ANKRD12: variants seen among roughly 807,000 people sequenced by gnomAD.
ANKRD12 encodes ankyrin repeat domain-containing protein 12.
ANKRD12 carries 85 observed loss-of-function variants against 183.4 expected under a neutral mutation model. The observed-to-expected ratio is 0.46, with a 90% CI of 0.39 to 0.56. The LOEUF (loss-of-function observed/expected upper bound fraction) is 0.56. Ranked by LOEUF, ANKRD12 falls within the 20% of genes least tolerant of loss-of-function variation. ANKRD12 has a pLI of 0.00. For missense variants in ANKRD12, 2,405 were observed against 2,357.1 expected (o/e 1.02, Z -0.42); for synonymous variants, 914 against 800.2 (o/e 1.14, Z -2.40).
At chr18:9,162,705 GCCAGCGT>G (rs2031588279) in intron 1 of ANKRD12, among the ~76,000 whole-genome samples, 1 of 152,006 alleles carries the variant, frequency 6.6e-6, no homozygotes, top group Admixed American at 6.6e-5. Flanking sequence ...CCACAACCTC[GCCAGCGT>G]CTGTTTCTGG....
intron 6 of ANKRD12, among the ~76,000 whole-genome samples, chr18:9,215,027 G>A (rs753967687): frequency 1.6e-4 from 24 of 152,006 alleles, no homozygotes; most frequent in Admixed American, 4.6e-4. Context: ...ACAAGGTTTC[G>A]TTTAAAAAAA....
intron 5 of ANKRD12, among the ~76,000 whole-genome samples, chr18:9,210,666 CAGTGAGCCTAGA>C (rs1328029445): frequency 2.2e-5 from 3 of 133,944 alleles, no homozygotes; most frequent in Middle Eastern, 5.8e-3. Flanking sequence ...GTAGAGGTTG[CAGTGAGCCTAGA>C]TCAAACTACC....
intron 9 of ANKRD12, chr18:9,260,041 T>C (rs2038876037): frequency 6.6e-6 from 1 of 152,234 alleles, no homozygotes; most frequent in Admixed American, 6.5e-5. Flanking sequence ...TGCTGTGTGT[T>C]TGAGTTTACT....
At chr18:9,268,742 G>A (rs529835087) in intron 10 of ANKRD12, among the ~76,000 whole-genome samples, 1 of 152,108 alleles carries the variant, frequency 6.6e-6, no homozygotes, top group Non-Finnish European at 1.5e-5. Context: ...CACCACTCCT[G>A]TTCAACATAG....
chr18:9,197,838 A>G (rs1217010774), intron 3 of ANKRD12, among the ~76,000 whole-genome samples: 1 of 152,190 alleles, frequency 6.6e-6, no homozygotes, highest in African/African-American at 2.4e-5. Flanking sequence ...ATTCCTGTGT[A>G]AGTGGATCTG....
rs1283296971 is a variant in ANKRD12, at chr18:9,258,304, G to A, written c.5037G>A (p.Leu1679=). The A allele has an allele frequency of 1.2e-6, 2 of 1,613,678 alleles. No individual in the cohort carries two copies. The highest frequency in any genetic ancestry group is 8.5e-7 in the Non-Finnish European group (1 of 1,179,886). The part of the protein sequence containing the change: ...PKHCPESEKC[L]LSIEDEESQQ... ...ATTGTCCTGAAAGTGAAAAGTGTTTGCTTTCCATAGAAGATGAGGAATCTC... is the reference window on the plus strand; with the variant it reads ...ATTGTCCTGAAAGTGAAAAGTGTTTACTTTCCATAGAAGATGAGGAATCTC... Residue 1679 remains leucine (L), a synonymous_variant, in exon 9 of 13, where the codon TTG becomes TTA. Transcript: ENST00000262126.
rs779973247 is a variant in ANKRD12, at chr18:9,257,026, C to T, written c.3759C>T (p.Ala1253=). Residue 1253 remains alanine, a synonymous_variant, in exon 9 of 13, where the codon GCC becomes GCT. Coordinates refer to ENST00000262126, the MANE Select transcript of ANKRD12 (RefSeq NM_015208.5). ...CCCAGTCACCTTTTTTGTCAATTGC[C>T]AAATCTCCTGCTCTTCATGAAAGGG... The part of the protein sequence containing the change: ...SFSQSPFLSI[A]KSPALHEREL... 6.2e-7 allele frequency: 1 copy of T among 1,614,074 alleles called. No individual in the cohort carries two copies. The highest frequency in any genetic ancestry group is 8.5e-7 in the Non-Finnish European group (1 of 1,179,984).
intron 1 of ANKRD12, among the ~76,000 whole-genome samples, chr18:9,162,717 T>C (rs2031589386): frequency 6.6e-6 from 1 of 152,236 alleles, no homozygotes; most frequent in Non-Finnish European, 1.5e-5. Flanking sequence ...CAGCGTCTGT[T>C]TCTGGACTTT....
chr18:9,258,532 A>C lies in ANKRD12; in HGVS notation c.5265A>C (p.Thr1755=). ...GCAAACAGATTCTTGCTAGCTGTAC[A>C]CTATTATCAGAAAAAGACAGTGAAT... is the stretch of plus-strand genomic sequence containing the variant. ...NQSKQILASC[T]LLSEKDSESS... The change falls in exon 9 of 13, where the codon ACA becomes ACC. Residue 1755 remains threonine (T), a synonymous_variant. Transcript: ENST00000262126. 1 of 1,613,826 alleles carries C rather than the reference A, an allele frequency of 6.2e-7. No homozygotes were observed.
chr18:9,267,691 C>G (rs1460737231), intron 10 of ANKRD12, among the ~76,000 whole-genome samples: 2 of 151,980 alleles, frequency 1.3e-5, no homozygotes, highest in African/African-American at 4.8e-5. Context: ...AATTGACACC[C>G]TAACATCACA....
At chr18:9,189,022 G>T (rs2034287402) in intron 2 of ANKRD12, among the ~76,000 whole-genome samples, 1 of 152,154 alleles carries the variant, frequency 6.6e-6, no homozygotes, top group South Asian at 2.1e-4. Flanking sequence ...TATGTCAAAG[G>T]CTGAGAGAGG....
chr18:9,191,489 T>A (rs978219002), intron 2 of ANKRD12, among the ~76,000 whole-genome samples: 2 of 152,156 alleles, frequency 1.3e-5, no homozygotes, highest in African/African-American at 4.8e-5. Flanking sequence ...GTTTTTTTTT[T>A]AACTCATTTT....
chr18:9,147,223 A>G (rs1046289753), intron 1 of ANKRD12, among the ~76,000 whole-genome samples: 2 of 152,174 alleles, frequency 1.3e-5, no homozygotes, highest in African/African-American at 4.8e-5. Context: ...TGTTAAAACT[A>G]TATCGATTAT....
At chr18:9,223,654 TAAGAA>T (rs1227131234) in intron 8 of ANKRD12, among the ~76,000 whole-genome samples, 2 of 151,904 alleles carry the variant, frequency 1.3e-5, no homozygotes, top group Non-Finnish European at 2.9e-5. Flanking sequence ...GGAAAAAAAA[TAAGAA>T]AAGTATACTG....
At chr18:9,279,701 A>AG (rs2040019047) in intron 12 of ANKRD12, 57 bp downstream of exon 12, 1 of 1,058,564 alleles carries the variant, frequency 9.4e-7, no homozygotes, top group East Asian at 2.4e-5. Context: ...AAAAAAAAAA[A>AG]AAACTCTACA....
chr18:9,220,677 A>G (rs1207396657), intron 7 of ANKRD12, among the ~76,000 whole-genome samples: 4 of 152,172 alleles, frequency 2.6e-5, no homozygotes. Flanking sequence ...AATCAGTTGG[A>G]TGTGTCCAGT....
At chr18:9,233,479 C>T (rs909827888) in intron 8 of ANKRD12, among the ~76,000 whole-genome samples, 1 of 151,884 alleles carries the variant, frequency 6.6e-6, no homozygotes, top group Non-Finnish European at 1.5e-5. Flanking sequence ...ATATTTCCTT[C>T]TTTTTTCATG....
intron 8 of ANKRD12, among the ~76,000 whole-genome samples, chr18:9,232,999 A>G (rs1211416820): frequency 6.6e-6 from 1 of 151,768 alleles, no homozygotes; most frequent in Non-Finnish European, 1.5e-5. Flanking sequence ...ACTGGTGTGC[A>G]CCACCACGCC....
At chr18:9,268,726 C>G (rs1259563487) in intron 10 of ANKRD12, among the ~76,000 whole-genome samples, 7 of 152,188 alleles carry the variant, frequency 4.6e-5, no homozygotes, top group African/African-American at 1.2e-4. Flanking sequence ...CAGGCATGCT[C>G]TCTCTCACCA....
Sources: gnomAD v4.1 joint callset for allele counts (sites outside exome capture counted in the v4.1 genomes callset) on GRCh38, gnomAD v4.1.1 for gene constraint, MANE v1.5 for transcripts, NCBI Gene and HGNC (gene_info 2026-07-23, HGNC 2026-07-21) for gene names.